Variants in PCK1 observed in about 807,000 individuals in gnomAD.
The protein encoded by PCK1 is phosphoenolpyruvate carboxykinase, cytosolic [GTP].
Under a neutral mutation model 50.3 loss-of-function variants are expected in PCK1, and 44 were observed. That is an observed-to-expected ratio of 0.87 (90% CI 0.69 to 1.12). The LOEUF (loss-of-function observed/expected upper bound fraction) is 1.12. Among genes scored for constraint, PCK1 ranks in the 50% most tolerant of loss-of-function variants. The pLI, the probability that PCK1 is intolerant of heterozygous loss-of-function variation, is 0.00. For missense variants in PCK1, 790 were observed against 815.0 expected, an observed-to-expected ratio of 0.97 and a Z score of 0.37; for synonymous variants, 332 against 314.3, an observed-to-expected ratio of 1.06 and a Z score of -0.59.
chr20:57,562,188 T>A lies in PCK1; in HGVS notation c.342T>A (p.Gly114=). The A allele has an allele frequency of 1.2e-6, 2 of 1,614,140 alleles. No individual in the cohort carries two copies. Among genetic ancestry groups the A allele is most frequent in the Non-Finnish European group, 1.7e-6 (2 of 1,179,968 alleles). Residue 114 remains glycine (G), a synonymous_variant, in exon 3 of 10, where the codon GGT becomes GGA. Coordinates refer to ENST00000319441, the MANE Select transcript of PCK1 (RefSeq NM_002591.4). ...CCAAAACAGGCCTCAGCCAGCTCGG[T>A]CGCTGGATGTCAGAGGAGGATTTTG... is the stretch of plus-strand genomic sequence containing the variant. The part of the protein sequence containing the change: ...PIPKTGLSQL[G]RWMSEEDFEK...
Position 57,561,203 on chromosome 20 carries a change from G to T in PCK1, c.-41G>T. The stretch of plus-strand genomic sequence containing the variant: ...TTCGAGATCATCCAAAGAGAAGAAA[G>T]GTAAGTAGAGCTTTGCATTTACATT... On this transcript the variant is annotated splice_region_variant and 5_prime_UTR_variant, in exon 1 of 10. In the 5' UTR this introduces an upstream ATG that the reference lacks. Transcript: ENST00000319441. 2.0e-6 allele frequency: 1 copy of T among 495,576 alleles called. No individual in the cohort carries two copies. The highest frequency in any genetic ancestry group is 2.8e-5 in the South Asian group (1 of 36,000). The allele number at this position is 495,576 out of a possible 1,614,324, so 30.7% of individuals were successfully genotyped here. A position where few individuals can be genotyped will look rare whatever the true frequency, so the allele number is the denominator to read the frequency against.
At chr20:57,564,139 C>T in intron 6 of PCK1, 30 bp from the exon 7 acceptor site, 4 of 1,474,986 alleles carry the variant, frequency 2.7e-6, no homozygotes, top group Middle Eastern at 3.5e-4. Context: ...CTGGCACTCA[C>T]TACTGCTTCT....
At position 57,563,297 on chromosome 20, in the gene PCK1, C is replaced by T. The variant is rs147555276; in HGVS notation, c.798+82C>T. 316 of 1,275,020 alleles carry T rather than the reference C, an allele frequency of 2.5e-4. 2 individuals carry two copies. In the African/African-American group the frequency reaches 4.1e-3, roughly 17 times the overall value. 79.0% of individuals were successfully genotyped at this position (1,275,020 alleles called of 1,614,324 possible). On this transcript the variant is annotated intron_variant, in intron 5 of 9. Coordinates refer to ENST00000319441, the MANE Select transcript of PCK1 (RefSeq NM_002591.4). ...AAACAGCATTACAGTTCCCACCCGT[C>T]AGCACACCTCTCTGAGCGTGCAGGT...
Position 57,567,446 on chromosome 20 carries a change from C to T in PCK1, c.*1642C>T, listed in dbSNP as rs1022104561. 6 of 152,368 alleles carry T rather than the reference C, an allele frequency of 3.9e-5. No homozygotes were observed. Among genetic ancestry groups the T allele is most frequent in the African/African-American group, 1.2e-4 (5 of 41,588 alleles). The allele number at this position is 152,368 out of a possible 1,614,324, so 9.4% of individuals were successfully genotyped here. On this transcript the variant is annotated 3_prime_UTR_variant, in exon 10 of 10. Coordinates refer to ENST00000319441, the MANE Select transcript of PCK1 (RefSeq NM_002591.4). The stretch of plus-strand genomic sequence containing the variant: ...GAGCTGAGAGTCTTAGCTCCAGACA[C>T]GTTGGCTTGTTAGAATATCAAAACC...
At chr20:57,564,452 G>A (rs765664250) in intron 7 of PCK1, 30 bp from the exon 8 acceptor site, 3 of 1,614,192 alleles carry the variant, frequency 1.9e-6, no homozygotes, top group South Asian at 2.2e-5. Context: ...GTTTGAGCCA[G>A]GCACTCACGA....
chr20:57,563,326 CGGACA>C, intron 5 of PCK1, 111 bp downstream of exon 5: 1 of 1,013,902 alleles, frequency 9.9e-7, no homozygotes, highest in Non-Finnish European at 1.5e-6. Flanking sequence ...TGCAGGTTCC[CGGACA>C]GATCGGGAAA....
At position 57,561,576 on chromosome 20, in the gene PCK1, G is replaced by A. The variant is rs1242297644; in HGVS notation, c.165G>A (p.Arg55=). The change falls in exon 2 of 10, where the codon CGG becomes CGA. Residue 55 remains arginine, a synonymous_variant. Transcript: ENST00000319441. ...ICDGSEEENG[R]LLGQMEEEGI... is the part of the protein sequence containing the mutation. ...ACGGCTCTGAGGAGGAGAATGGGCG[G>A]CTTCTGGGCCAGATGGAGGAAGAGG... 1 of 1,613,978 alleles carries A rather than the reference G, an allele frequency of 6.2e-7. No homozygotes were observed. The highest frequency in any genetic ancestry group is 1.7e-5 in the Admixed American group (1 of 60,032).
At chr20:57,561,306 C>T (rs767774429) in intron 1 of PCK1, 66 bp from the exon 2 acceptor site, 99 of 710,542 alleles carry the variant, frequency 1.4e-4, no homozygotes, top group Non-Finnish European at 2.2e-4. Context: ...TGGCAAAAGG[C>T]CGTCGAATGT....
At chr20:57,562,634 T>C in intron 3 of PCK1, 62 bp from the exon 4 acceptor site, 3 of 1,414,596 alleles carry the variant, frequency 2.1e-6, no homozygotes, top group Admixed American at 1.8e-5. Context: ...GGGAAAAAAA[T>C]GCTGGTCGTG....
chr20:57,561,897 G>A, intron 2 of PCK1, 174 bp from the exon 3 acceptor site: 2 of 628,070 alleles, frequency 3.2e-6, no homozygotes, highest in Non-Finnish European at 5.5e-6. Flanking sequence ...CTACAGACCA[G>A]GTCCTAGTGG....
chr20:57,565,231 GGA>G lies in PCK1; in HGVS notation c.1415-104_1415-103del, dbSNP rs149495915. Reference sequence around the variant, plus strand: ...TCTCCTTTTCTGTGTCTGTGTGTGGGGAGAGAGAGAGAGAGAAAGAGAGAGAG... The same window carrying G: ...TCTCCTTTTCTGTGTCTGTGTGTGGGGAGAGAGAGAGAGAAAGAGAGAGAG... On this transcript the variant is annotated intron_variant, in intron 9 of 9. Transcript: ENST00000319441. 4.5e-3 allele frequency: 5,265 copies of G among 1,172,124 alleles called. 1 individual carries two copies. The highest frequency in any genetic ancestry group is 5.2e-3 in the Admixed American group (278 of 53,530). 72.6% of individuals were successfully genotyped at this position (1,172,124 alleles called of 1,614,324 possible).
In PCK1 at chr20:57,564,399, T is replaced by C; in HGVS notation, c.1186+6T>C. Reference sequence around the variant, plus strand: ...GGAGTGGAGCTCAGAGGATGGTGTGTCCCTGCCAGAGGCCTTGGTGTGCCG... The same window carrying C: ...GGAGTGGAGCTCAGAGGATGGTGTGCCCCTGCCAGAGGCCTTGGTGTGCCG... On this transcript the variant is annotated splice_donor_region_variant and intron_variant, in intron 7 of 9. Transcript: ENST00000319441. 1.2e-6 allele frequency: 2 copies of C among 1,613,866 alleles called. No individual in the cohort carries two copies. The highest frequency in any genetic ancestry group is 1.7e-6 in the Non-Finnish European group (2 of 1,179,782).
rs932604546 is a variant in PCK1, at chr20:57,567,099, A to G, written c.*1295A>G. 6.6e-6 allele frequency: 1 copy of G among 152,182 alleles called. No homozygotes were observed. The highest frequency in any genetic ancestry group is 2.4e-5 in the African/African-American group (1 of 41,418). 9.4% of individuals were successfully genotyped at this position (152,182 alleles called of 1,614,324 possible). ...GGATATTCCAGAACAGTCCAAACGA[A>G]CCATAAACTTTATATCACAGATTCA... is the stretch of plus-strand genomic sequence containing the variant. On this transcript the variant is annotated 3_prime_UTR_variant, in exon 10 of 10. Coordinates refer to ENST00000319441, the MANE Select transcript of PCK1 (RefSeq NM_002591.4).
At position 57,561,454 on chromosome 20, in the gene PCK1, G is replaced by T. The variant is rs61749691; in HGVS notation, c.43G>T (p.Val15Phe). The T allele has an allele frequency of 2.2e-4, 357 of 1,613,812 alleles. 4 individuals carry two copies. The East Asian group carries it at 7.1e-3, about 32-fold the overall frequency. The change falls in exon 2 of 10, where the codon GTT becomes TTT. Residue 15 changes from valine to phenylalanine, a missense_variant. Transcript: ENST00000319441. Reference sequence around the variant, plus strand: ...AAACGGCCTGAACCTCTCGGCCAAAGTTGTCCAGGGAAGCCTGGACAGCCT... The same window carrying T: ...AAACGGCCTGAACCTCTCGGCCAAATTTGTCCAGGGAAGCCTGGACAGCCT... Reference protein sequence around the residue: ...LQNGLNLSAKVVQGSLDSLPQ... With the variant: ...LQNGLNLSAKFVQGSLDSLPQ...
rs890243526 is a variant in PCK1, at chr20:57,564,685, C to A, written c.1318+72C>A. 2.6e-5 allele frequency: 35 copies of A among 1,362,678 alleles called. No individual in the cohort carries two copies. In the African/African-American group the frequency reaches 4.8e-4, roughly 19 times the overall value. The allele number at this position is 1,362,678 out of a possible 1,614,324, so 84.4% of individuals were successfully genotyped here. ...CCGAAGGGCATCTGTGAAATCTCTC[C>A]TTTTCCATGACCTTGTCAGAGGGTG... On this transcript the variant is annotated intron_variant, in intron 8 of 9. Coordinates refer to ENST00000319441, the MANE Select transcript of PCK1 (RefSeq NM_002591.4).
At position 57,562,733 on chromosome 20, in the gene PCK1, G is replaced by A. The variant is rs375595139; in HGVS notation, c.444G>A (p.Pro148=). The A allele has an allele frequency of 4.6e-5, 75 of 1,613,942 alleles. No homozygotes were observed. In the African/African-American group the frequency reaches 4.8e-4, roughly 10 times the overall value. The change falls in exon 4 of 10, where the codon CCG becomes CCA. Residue 148 remains proline (P), a synonymous_variant. Coordinates refer to ENST00000319441, the MANE Select transcript of PCK1 (RefSeq NM_002591.4). ...TMYVIPFSMG[P]LGSPLSKIGI... Reference sequence around the variant, plus strand: ...ACGTCATCCCATTCAGCATGGGGCCGCTGGGCTCGCCTCTGTCAAAGATCG... The same window carrying A: ...ACGTCATCCCATTCAGCATGGGGCCACTGGGCTCGCCTCTGTCAAAGATCG...
Position 57,565,064 on chromosome 20 carries a change from T to C in PCK1, c.1343T>C (p.Leu448Pro), listed in dbSNP as rs771234718. Residue 448 changes from leucine (L) to proline (P), a missense_variant, in exon 9 of 10, where the codon CTC becomes CCC. Leu to Pro is a moderately conservative substitution (Grantham distance 98, BLOSUM62 -3). Coordinates refer to ENST00000319441, the MANE Select transcript of PCK1 (RefSeq NM_002591.4). ...GGTGTCCCTCTAGTCTATGAAGCTC[T>C]CAGCTGGCAACATGGAGTCTTTGTG... is the stretch of plus-strand genomic sequence containing the variant. The part of the protein sequence containing the change: ...PAGVPLVYEA[L>P]SWQHGVFVGA... The C allele has an allele frequency of 6.2e-7, 1 of 1,613,938 alleles. No homozygotes were observed.
At chr20:57,562,036 G>A (rs771892791) in intron 2 of PCK1, 35 bp from the exon 3 acceptor site, 1 of 1,600,446 alleles carries the variant, frequency 6.2e-7, no homozygotes, top group South Asian at 1.1e-5. Context: ...GCTGCCCGTG[G>A]TGCTTGGCTG....
chr20:57,565,681 G>A lies in PCK1; in HGVS notation c.1746G>A (p.Lys582=). 1 of 1,613,954 alleles carries A rather than the reference G, an allele frequency of 6.2e-7. No individual in the cohort carries two copies. Among genetic ancestry groups the A allele is most frequent in the South Asian group, 1.1e-5 (1 of 91,084 alleles). Residue 582 remains lysine (K), a synonymous_variant, in exon 10 of 10, where the codon AAG becomes AAA. Coordinates refer to ENST00000319441, the MANE Select transcript of PCK1 (RefSeq NM_002591.4). ...INMMELFSIS[K]EFWEKEVEDI... ...TGATGGAGCTTTTCAGCATCTCCAA[G>A]GAATTCTGGGAGAAGGAGGTGGAAG...
Sources: gnomAD v4.1 joint callset for allele counts on GRCh38, gnomAD v4.1.1 for gene constraint, MANE v1.5 for transcripts, NCBI Gene and HGNC (gene_info 2026-07-23, HGNC 2026-07-21) for gene names.